Variants in ACOT1 observed in about 807,000 individuals in gnomAD.
ACOT1 encodes the protein acyl-coenzyme A thioesterase 1.
A neutral mutation model predicts 15.7 loss-of-function variants in ACOT1; 8 were observed. The ratio of observed to expected loss-of-function variants is 0.51; its 90% CI spans 0.30 to 0.92. ACOT1 has a LOEUF of 0.92. Ranked by LOEUF, ACOT1 falls within the 40% of genes least tolerant of loss-of-function variation. ACOT1 has a pLI of 0.06. For missense variants in ACOT1, 151 were observed against 539.4 expected, an observed-to-expected ratio of 0.28 and a Z score of 7.13; for synonymous variants, 67 against 241.2, an observed-to-expected ratio of 0.28 and a Z score of 6.69.
At chr14:73,501,123 T>C in the ACOT1 span, among the ~76,000 whole-genome samples, 1 of 152,196 alleles carries the variant, frequency 6.6e-6, no homozygotes, top group African/African-American at 2.4e-5. Flanking sequence ...TTTTATTTAT[T>C]TTATTATTTT....
At chr14:73,494,441 G>C in the ACOT1 span, among the ~76,000 whole-genome samples, 1 of 152,208 alleles carries the variant, frequency 6.6e-6, no homozygotes, top group Non-Finnish European at 1.5e-5. Context: ...TTAAGGTTGA[G>C]AACTTTACAA....
chr14:73,522,287 A>C, the ACOT1 span: 2 of 1,613,960 alleles, frequency 1.2e-6, no homozygotes, highest in Non-Finnish European at 1.7e-6. Context: ...GTAAACGGGA[A>C]GCAGCAGTTC....
At chr14:73,499,621 C>G in the ACOT1 span, among the ~76,000 whole-genome samples, 2 of 152,184 alleles carry the variant, frequency 1.3e-5, no homozygotes, top group Admixed American at 1.3e-4. Context: ...AACCTATATG[C>G]ATAGTGAGTA....
chr14:73,542,681 C>T (rs1889131032), intron 2 of ACOT1, among the ~76,000 whole-genome samples: 1 of 112,026 alleles, frequency 8.9e-6, no homozygotes, highest in African/African-American at 3.0e-5. Context: ...GTTGGGATTA[C>T]AGGCGTCAGC....
At chr14:73,530,465 C>T in the ACOT1 span, 2 of 129,570 alleles carry the variant, frequency 1.5e-5, no homozygotes, top group African/African-American at 5.3e-5. Flanking sequence ...GGAACAGCTG[C>T]TTAACCTGGC....
upstream of ACOT1, among the ~76,000 whole-genome samples, chr14:73,533,091 A>C (rs1316937621): frequency 1.2e-4 from 14 of 115,624 alleles, 5 homozygotes; most frequent in South Asian, 8.3e-4. Context: ...CACTACTGCA[A>C]CCCAGCCTCA....
upstream of ACOT1, among the ~76,000 whole-genome samples, chr14:73,532,233 C>T (rs1888728181): frequency 2.6e-5 from 3 of 114,552 alleles, 1 homozygote. Context: ...TCAGCTCCTC[C>T]ACTGCTACTT....
chr14:73,539,224 C>G (rs1966367), intron 1 of ACOT1: 38,005 of 113,364 alleles, frequency 0.34, 14,765 homozygotes, highest in Admixed American at 0.48. Flanking sequence ...CTGTTCGTTC[C>G]TGCTGCCTAG....
upstream of ACOT1, chr14:73,537,136 C>G: frequency 3.1e-6 from 1 of 327,590 alleles, no homozygotes; most frequent in South Asian, 3.4e-5. Flanking sequence ...CAGTCCTGGC[C>G]CAGCCCATTC....
chr14:73,504,076 CTTTT>C, the ACOT1 span, among the ~76,000 whole-genome samples: 4 of 127,746 alleles, frequency 3.1e-5, no homozygotes, highest in African/African-American at 2.9e-5. Context: ...TTTTGCATTT[CTTTT>C]TTTTTTTTTT....
chr14:73,531,609 A>G, the ACOT1 span, among the ~76,000 whole-genome samples: 1,169 of 107,944 alleles, frequency 0.011, 165 homozygotes, highest in African/African-American at 0.032. Context: ...GGGTTTCACC[A>G]TATTGGCCAG....
the ACOT1 span, among the ~76,000 whole-genome samples, chr14:73,530,814 T>TC: frequency 1.1e-5 from 1 of 87,112 alleles, no homozygotes; most frequent in African/African-American, 3.7e-5. Flanking sequence ...TTTTTTTTTT[T>TC]TTTTTGTAGA....
chr14:73,518,973 GC>G, the ACOT1 span: 1 of 1,562,384 alleles, frequency 6.4e-7, no homozygotes, highest in East Asian at 2.3e-5. Context: ...ATGGGAAGTA[GC>G]CACATTCCCG....
chr14:73,528,133 G>T, the ACOT1 span, among the ~76,000 whole-genome samples: 1 of 152,066 alleles, frequency 6.6e-6, no homozygotes, highest in South Asian at 2.1e-4. Context: ...GGTGGCTCAT[G>T]CCTGTAATCC....
the ACOT1 span, chr14:73,508,100 CA>C: frequency 1.2e-6 from 2 of 1,606,646 alleles, no homozygotes; most frequent in East Asian, 4.5e-5. Flanking sequence ...AATTGCTCCC[CA>C]AAACTGTGTC....
chr14:73,501,991 C>T, the ACOT1 span, among the ~76,000 whole-genome samples: 13 of 151,794 alleles, frequency 8.6e-5, no homozygotes, highest in Non-Finnish European at 1.9e-4. Flanking sequence ...GTGATCCACC[C>T]GCCTCGGCCT....
At chr14:73,502,289 G>A in the ACOT1 span, among the ~76,000 whole-genome samples, 3 of 151,958 alleles carry the variant, frequency 2.0e-5, no homozygotes, top group African/African-American at 7.3e-5. Flanking sequence ...TATGGTATAT[G>A]CCATTTGTTC....
chr14:73,498,871 T>C, the ACOT1 span, among the ~76,000 whole-genome samples: 7 of 152,212 alleles, frequency 4.6e-5, no homozygotes, highest in Non-Finnish European at 8.8e-5. Flanking sequence ...AACTTAAGTT[T>C]GACATATACC....
the ACOT1 span, among the ~76,000 whole-genome samples, chr14:73,516,007 G>A: frequency 3.2e-5 from 2 of 63,296 alleles, no homozygotes; most frequent in Non-Finnish European, 5.2e-5. Context: ...ATGGATTTGC[G>A]GTGAGCAAGT....
Sources: gnomAD v4.1 joint callset for allele counts (sites outside exome capture counted in the v4.1 genomes callset) on GRCh38, gnomAD v4.1.1 for gene constraint, MANE v1.5 for transcripts, NCBI Gene and HGNC (gene_info 2026-07-23, HGNC 2026-07-21) for gene names.